The following FER1L5 variants were observed in gnomAD, a reference collection of about 807,000 sequenced individuals.
FER1L5 encodes the protein fer-1-like protein 5.
FER1L5 carries 187 observed loss-of-function variants against 279.9 expected under a neutral mutation model. The observed-to-expected ratio is 0.67, with a 90% CI of 0.59 to 0.75. FER1L5 has a LOEUF of 0.75. Ranked by LOEUF, FER1L5 falls within the 30% of genes least tolerant of loss-of-function variation. FER1L5 has a pLI of 0.00. For synonymous variants in FER1L5, 921 were observed against 989.7 expected, an observed-to-expected ratio of 0.93 and a Z score of 1.30; for missense variants, 2,091 against 2,594.4, an observed-to-expected ratio of 0.81 and a Z score of 4.21.
rs1162651504 is a variant in FER1L5, at chr2:96,698,643, TGG to T, written c.4357-26_4357-25del. 1.3e-6 allele frequency: 2 copies of T among 1,560,516 alleles called. No individual in the cohort carries two copies. The highest frequency in any genetic ancestry group is 2.4e-5 in the South Asian group (2 of 84,824). On this transcript the variant is annotated intron_variant, in intron 40 of 52. Coordinates refer to ENST00000624922, the MANE Select transcript of FER1L5 (RefSeq NM_001293083.2). The surrounding 1 kb of genome is among the most constrained non-coding windows in gnomAD (Gnocchi z 5.5). ...ACAGAGCTGGCCAGCACTGCCAGGC[TGG>T]GCCCCCAACACCCTCCCCCCGCCAG...
intron 44 of FER1L5, 24 bp from the exon 45 acceptor site, chr2:96,700,305 CCCT>C: frequency 6.2e-7 from 1 of 1,610,360 alleles, no homozygotes; most frequent in Non-Finnish European, 8.5e-7. Context: ...CCTCGCAATC[CCCT>C]CCTTCCATCC....
At chr2:96,680,539 C>A (rs1310769511) in intron 19 of FER1L5, among the ~76,000 whole-genome samples, 8 of 151,860 alleles carry the variant, frequency 5.3e-5, no homozygotes, top group Non-Finnish European at 1.2e-4. Context: ...CATAGAAAGT[C>A]CTTAGGTGAC....
At chr2:96,693,855 A>G (rs950253084) in intron 32 of FER1L5, 56 bp from the exon 33 acceptor site, 66 of 1,495,064 alleles carry the variant, frequency 4.4e-5, no homozygotes, top group Non-Finnish European at 5.6e-5. Context: ...AGAAGCCCAG[A>G]CAGAGCTGGG....
Position 96,689,427 on chromosome 2 carries a change from G to A in FER1L5, c.2525+51G>A. Reference sequence around the variant, plus strand: ...CCAGAGGGGACACTTCACCTGGGAGGGCCAGTCCGCGGCAGCCCAGAAAGA... The same window carrying A: ...CCAGAGGGGACACTTCACCTGGGAGAGCCAGTCCGCGGCAGCCCAGAAAGA... On this transcript the variant is annotated intron_variant, in intron 25 of 52. Transcript: ENST00000624922. This position sits in a 1 kb window ranked among gnomAD's most constrained non-coding sequence, Gnocchi z 4.6. 2.0e-6 allele frequency: 3 copies of A among 1,537,736 alleles called. No individual in the cohort carries two copies. The highest frequency in any genetic ancestry group is 2.6e-6 in the Non-Finnish European group (3 of 1,143,576).
chr2:96,659,341 C>T lies in FER1L5; in HGVS notation c.748-1000C>T, dbSNP rs1447936353. On this transcript the variant is annotated intron_variant, in intron 9 of 52. Transcript: ENST00000624922. The stretch of plus-strand genomic sequence containing the variant: ...TCCTTCCTTCCTTCCTTCCTTCCTT[C>T]CTTCCTTCCTTCCTTCCTTCCTTCT... 8.5e-5 allele frequency among the ~76,000 whole-genome samples: 7 copies of T among 82,530 alleles called. 1 individual carries two copies. Among genetic ancestry groups the T allele is most frequent in the East Asian group, 4.0e-4 (1 of 2,516 alleles). 54.1% of individuals were successfully genotyped at this position (82,530 alleles called of 152,430 possible). A position where few individuals can be genotyped will look rare whatever the true frequency, so the allele number is the denominator to read the frequency against.
rs761016147 is a variant in FER1L5 at position 96,686,384 on chromosome 2, G to A, written c.2229+34G>A. ...CAGGGACTCCTCAGGGGAGGACAGG[G>A]CTGAGAAATGCCCCCAGGGGAGCCC... On this transcript the variant is annotated intron_variant, in intron 23 of 52. Transcript: ENST00000624922. 7.8e-6 allele frequency: 12 copies of A among 1,534,492 alleles called. 1 individual carries two copies. The South Asian group carries it at 1.3e-4, about 17-fold the overall frequency.
rs1318573116 is a variant in FER1L5, at chr2:96,694,370, A to G, written c.3647A>G (p.Glu1216Gly). 8 of 1,549,216 alleles carry G rather than the reference A, an allele frequency of 5.2e-6. No homozygotes were observed. Among genetic ancestry groups the G allele is most frequent in the Non-Finnish European group, 5.2e-6 (6 of 1,145,774 alleles). The change falls in exon 34 of 53, where the codon GAG becomes GGG. Residue 1216 changes from glutamate (E) to glycine (G), a missense_variant. Transcript: ENST00000624922. This position sits in a 1 kb window ranked among gnomAD's most constrained non-coding sequence, Gnocchi z 4.6. ...ELILQTEKLGEKQLPILSVPW... is the reference protein window; with the variant it reads ...ELILQTEKLGGKQLPILSVPW... Reference sequence around the variant, plus strand: ...CCTGCCCTCCCCCAGAAGCTTGGAGAGAAGCAGCTGCCTATCTTAAGCGTT... The same window carrying G: ...CCTGCCCTCCCCCAGAAGCTTGGAGGGAAGCAGCTGCCTATCTTAAGCGTT...
chr2:96,670,078 T>C, intron 17 of FER1L5, 41 bp from the exon 18 acceptor site: 2 of 1,550,404 alleles, frequency 1.3e-6, no homozygotes, highest in Non-Finnish European at 1.7e-6. Flanking sequence ...CTGTTCTTTT[T>C]CTCTCACCCC....
At chr2:96,688,778 T>G (rs1485091913) in intron 24 of FER1L5, among the ~76,000 whole-genome samples, 2 of 151,806 alleles carry the variant, frequency 1.3e-5, no homozygotes, top group African/African-American at 2.4e-5. Flanking sequence ...GGCTGGTGCC[T>G]TTGATGCCAG....
In FER1L5 at chr2:96,687,865, T is replaced by G; in HGVS notation, c.2279T>G (p.Val760Gly). The part of the protein sequence containing the change: ...QKDVLPAHLR[V>G]CMWLGNVTDS... ...GATGTGCTCCCAGCTCACCTCCGGGTCTGCATGTGGCTTGGCAATGTCACA... is the reference window on the plus strand; with the variant it reads ...GATGTGCTCCCAGCTCACCTCCGGGGCTGCATGTGGCTTGGCAATGTCACA... Residue 760 changes from valine to glycine, a missense_variant, in exon 24 of 53, where the codon GTC becomes GGC. Coordinates refer to ENST00000624922, the MANE Select transcript of FER1L5 (RefSeq NM_001293083.2). 6.4e-7 allele frequency: 1 copy of G among 1,551,222 alleles called. No homozygotes were observed. Among genetic ancestry groups the G allele is most frequent in the African/African-American group, 1.4e-5 (1 of 73,106 alleles).
Position 96,688,568 on chromosome 2 carries a change from G to C in FER1L5, c.2361+621G>C, listed in dbSNP as rs114960057. On this transcript the variant is annotated intron_variant, in intron 24 of 52. Transcript: ENST00000624922. The stretch of plus-strand genomic sequence containing the variant: ...TCAGGAAGCCACATGAACAGCAGAG[G>C]GGAAATAAGGTTTGAGCGTCAGGCT... Among the ~76,000 whole-genome samples the C allele has an allele frequency of 2.4e-3, 363 of 152,292 alleles. 1 individual carries two copies. Among genetic ancestry groups the C allele is most frequent in the Admixed American group, 4.0e-3 (61 of 15,310 alleles).
At chr2:96,646,305 A>G in intron 1 of FER1L5, 96 bp from the exon 2 acceptor site, 1 of 1,376,154 alleles carries the variant, frequency 7.3e-7, no homozygotes, top group East Asian at 2.5e-5. Flanking sequence ...GCCGACTTGA[A>G]GTTTTCTTAG....
chr2:96,691,940 C>T lies in FER1L5; in HGVS notation c.3191C>T (p.Pro1064Leu), dbSNP rs1219115247. The T allele has an allele frequency of 3.9e-6, 6 of 1,549,866 alleles. No homozygotes were observed. Among genetic ancestry groups the T allele is most frequent in the Non-Finnish European group, 5.2e-6 (6 of 1,146,732 alleles). ...QRQDTRPPNL[P>L]FIYCTFNKPH... The stretch of plus-strand genomic sequence containing the variant: ...CAGGACACCCGGCCCCCCAACTTGC[C>T]CTTCATCTACTGCACCTTCAATAGT... Residue 1064 changes from proline to leucine, a missense_variant, in exon 30 of 53, where the codon CCC (proline) becomes CTC (leucine). Coordinates refer to ENST00000624922, the MANE Select transcript of FER1L5 (RefSeq NM_001293083.2). This position sits in a 1 kb window ranked among gnomAD's most constrained non-coding sequence, Gnocchi z 6.0.
intron 14 of FER1L5, 22 bp downstream of exon 14, chr2:96,663,529 C>T: frequency 6.4e-7 from 1 of 1,550,524 alleles, no homozygotes; most frequent in Non-Finnish European, 8.7e-7. Flanking sequence ...CCATCATGCC[C>T]ACCCTTCTCC....
In FER1L5 at chr2:96,673,104, C is replaced by G. The variant is rs2076388716; in HGVS notation, c.1519C>G (p.Leu507Val). ...GCACCAGAACCGCCAAAAGTATGGG[C>G]TGTGCGTCATCTTCCTTTCCTGTAC... ...EKHQNRQKYGLCVIFLSCTMM... is the reference protein window; with the variant it reads ...EKHQNRQKYGVCVIFLSCTMM... Residue 507 changes from leucine to valine, a missense_variant, in exon 19 of 53, where the codon CTG (leucine) becomes GTG (valine). Physicochemically the swap from Leu to Val is conservative, Grantham distance 32 (BLOSUM62 1). Coordinates refer to ENST00000624922, the MANE Select transcript of FER1L5 (RefSeq NM_001293083.2). 1 of 1,551,446 alleles carries G rather than the reference C, an allele frequency of 6.4e-7. No individual in the cohort carries two copies. Among genetic ancestry groups the G allele is most frequent in the Admixed American group, 2.0e-5 (1 of 50,970 alleles).
chr2:96,701,764 T>C (rs557699977), intron 45 of FER1L5, among the ~76,000 whole-genome samples, 191 bp from the exon 46 acceptor site: 2 of 152,180 alleles, frequency 1.3e-5, no homozygotes, highest in Admixed American at 6.5e-5. Context: ...CCTGCACTAC[T>C]CTCTCAGCCA....
Position 96,695,605 on chromosome 2 carries a change from G to A in FER1L5, c.3838G>A (p.Asp1280Asn). Residue 1280 changes from aspartate to asparagine, a missense_variant, in exon 35 of 53, where the codon GAC becomes AAC. Coordinates refer to ENST00000624922, the MANE Select transcript of FER1L5 (RefSeq NM_001293083.2). ...EESLRTEPIR[D>N]FQTNPNFPES... ...GTCCCTGAGGACAGAACCCATCAGG[G>A]ACTTTCAGACCAACCCCAACTTCCC... 6.2e-7 allele frequency: 1 copy of A among 1,601,990 alleles called. No homozygotes were observed. The highest frequency in any genetic ancestry group is 8.5e-7 in the Non-Finnish European group (1 of 1,174,436).
chr2:96,658,228 G>A (rs2075677143), intron 9 of FER1L5, among the ~76,000 whole-genome samples: 1 of 151,894 alleles, frequency 6.6e-6, no homozygotes, highest in South Asian at 2.1e-4. Flanking sequence ...ATGTTGGCCA[G>A]GCTGGTCTTG....
At chr2:96,685,655 G>C (rs1315444647) in intron 21 of FER1L5, among the ~76,000 whole-genome samples, 1 of 152,138 alleles carries the variant, frequency 6.6e-6, no homozygotes, top group Non-Finnish European at 1.5e-5. Context: ...CACACCCGAG[G>C]CTCCTCTTAA....
Sources: gnomAD v4.1 joint callset for allele counts (sites outside exome capture counted in the v4.1 genomes callset) on GRCh38, gnomAD v4.1.1 for gene constraint, Gnocchi (gnomAD v3.1) non-coding constraint, MANE v1.5 for transcripts, NCBI Gene and HGNC (gene_info 2026-07-23, HGNC 2026-07-21) for gene names.